Variants in RABGAP1L observed in about 807,000 individuals in gnomAD.
RABGAP1L encodes the protein rab GTPase-activating protein 1-like.
In RABGAP1L, 63 loss-of-function variants were observed where a neutral mutation model predicts 137.7. The ratio of observed to expected loss-of-function variants is 0.46; its 90% CI spans 0.37 to 0.56. The LOEUF is 0.56. Among genes scored for constraint, RABGAP1L ranks in the 20% least tolerant of loss-of-function variants. The probability of loss-of-function intolerance (pLI) is 0.00; values close to 1 mark genes in which losing one functional copy is unlikely to be tolerated. For synonymous variants in RABGAP1L, 431 were observed against 433.7 expected (o/e 0.99, Z 0.08); for missense variants, 1,095 against 1,244.0 (o/e 0.88, Z 1.80).
chr1:174,263,885 G>A (rs1288035374), intron 7 of RABGAP1L, among the ~76,000 whole-genome samples: 1 of 151,478 alleles, frequency 6.6e-6, no homozygotes, highest in Non-Finnish European at 1.5e-5. Context: ...GGGGCCGGGG[G>A]ATGTTTACAG....
At chr1:174,617,730 T>C (rs1300555277) in intron 13 of RABGAP1L, among the ~76,000 whole-genome samples, 3 of 152,164 alleles carry the variant, frequency 2.0e-5, no homozygotes, top group African/African-American at 7.2e-5. Context: ...ACATATACAT[T>C]ACCAGGGGGT....
At chr1:174,350,396 T>C (rs1683030691) in intron 11 of RABGAP1L, among the ~76,000 whole-genome samples, 2 of 77,866 alleles carry the variant, frequency 2.6e-5, no homozygotes, top group African/African-American at 5.5e-5. Flanking sequence ...GCAGAGACGC[T>C]CCTCACCTCC....
At chr1:174,223,957 A>G (rs1669971014) in intron 3 of RABGAP1L, among the ~76,000 whole-genome samples, 1 of 152,140 alleles carries the variant, frequency 6.6e-6, no homozygotes, top group African/African-American at 2.4e-5. Context: ...CCACTGGGGG[A>G]AATGGTAACT....
chr1:174,711,381 C>G (rs1558007196), intron 17 of RABGAP1L, among the ~76,000 whole-genome samples: 1 of 152,062 alleles, frequency 6.6e-6, no homozygotes, highest in East Asian at 2.0e-4. Flanking sequence ...TGCCGGCACG[C>G]TGTCACCTCT....
At position 174,436,724 on chromosome 1, in the gene RABGAP1L, C is replaced by CCA. The variant is rs1653369661; in HGVS notation, c.1710+42579_1710+42580insCA. Among the ~76,000 whole-genome samples the CCA allele has an allele frequency of 3.3e-5, 5 of 152,214 alleles. No individual in the cohort carries two copies. In the South Asian group the frequency reaches 1.0e-3, roughly 32 times the overall value. ...CTTTTGGTGTTTTAGACATGAAGTC[C>CCA]TTGTCCATGCCTATGCTTGAGATCT... On this transcript the variant is annotated intron_variant, in intron 13 of 25. Coordinates refer to ENST00000681986, the MANE Select transcript of RABGAP1L (RefSeq NM_001366446.1).
intron 13 of RABGAP1L, among the ~76,000 whole-genome samples, chr1:174,503,386 G>A (rs1016532521): frequency 1.3e-5 from 2 of 152,122 alleles, no homozygotes; most frequent in Admixed American, 6.5e-5. Context: ...GTAAGGCCCA[G>A]CATGATGGCT....
chr1:174,791,488 A>G (rs745538863), intron 18 of RABGAP1L, among the ~76,000 whole-genome samples: 41 of 152,220 alleles, frequency 2.7e-4, no homozygotes, highest in Non-Finnish European at 1.2e-4. Flanking sequence ...CAATGACAAT[A>G]CACACACATA....
intron 13 of RABGAP1L, among the ~76,000 whole-genome samples, chr1:174,481,219 T>C (rs986866074): frequency 1.3e-5 from 2 of 152,236 alleles, no homozygotes; most frequent in Non-Finnish European, 2.9e-5. Flanking sequence ...ACTATGCTTA[T>C]TTGAAGATCA....
intron 13 of RABGAP1L, among the ~76,000 whole-genome samples, chr1:174,401,114 G>T (rs970170257): frequency 6.6e-6 from 1 of 151,962 alleles, no homozygotes; most frequent in Non-Finnish European, 1.5e-5. Flanking sequence ...ATGTAAATCC[G>T]TGTTGAATCA....
At chr1:174,553,460 C>A (rs1666685111) in intron 13 of RABGAP1L, among the ~76,000 whole-genome samples, 1 of 152,086 alleles carries the variant, frequency 6.6e-6, no homozygotes, top group African/African-American at 2.4e-5. Context: ...AGCCAGTTAT[C>A]CCAGCCAAGA....
chr1:174,563,550 A>T, intron 13 of RABGAP1L, among the ~76,000 whole-genome samples: 1 of 152,178 alleles, frequency 6.6e-6, no homozygotes, highest in East Asian at 1.9e-4. Context: ...AGCGTATGCA[A>T]AGCATGTAGA....
At chr1:174,583,608 T>G (rs1668901133) in intron 13 of RABGAP1L, among the ~76,000 whole-genome samples, 1 of 152,138 alleles carries the variant, frequency 6.6e-6, no homozygotes, top group Non-Finnish European at 1.5e-5. Context: ...TTCCCATAGC[T>G]CATAGAGGAG....
chr1:174,372,898 T>C (rs1303964429), intron 12 of RABGAP1L, among the ~76,000 whole-genome samples: 1 of 152,128 alleles, frequency 6.6e-6, no homozygotes, highest in African/African-American at 2.4e-5. Flanking sequence ...ATGTTGAGAG[T>C]TGTAAACTAG....
chr1:174,668,052 T>C (rs1676916646), intron 14 of RABGAP1L, among the ~76,000 whole-genome samples: 1 of 152,170 alleles, frequency 6.6e-6, no homozygotes, highest in Non-Finnish European at 1.5e-5. Flanking sequence ...AAAACTGTTA[T>C]TATGAAAATT....
intron 17 of RABGAP1L, among the ~76,000 whole-genome samples, chr1:174,710,703 G>C (rs1212270217): frequency 6.6e-6 from 1 of 152,142 alleles, no homozygotes; most frequent in East Asian, 1.9e-4. Flanking sequence ...ACCAGTACCA[G>C]CCACTGCAAA....
At chr1:174,781,968 G>A (rs1283320550) in intron 18 of RABGAP1L, among the ~76,000 whole-genome samples, 1 of 152,182 alleles carries the variant, frequency 6.6e-6, no homozygotes, top group Admixed American at 6.5e-5. Context: ...GGTTACTGTA[G>A]CCTTGTAATA....
chr1:174,655,334 C>G (rs1675883828), intron 14 of RABGAP1L, among the ~76,000 whole-genome samples: 1 of 152,162 alleles, frequency 6.6e-6, no homozygotes, highest in Non-Finnish European at 1.5e-5. Flanking sequence ...ATTTCTTACT[C>G]TTTCATTCAC....
At chr1:174,187,046 C>T (rs567906841) in intron 1 of RABGAP1L, among the ~76,000 whole-genome samples, 73 of 152,204 alleles carry the variant, frequency 4.8e-4, no homozygotes, top group African/African-American at 1.5e-3. Flanking sequence ...TTTCAGTTTC[C>T]GAAACTTGCC....
At chr1:174,237,544 G>T (rs1184326335) in intron 4 of RABGAP1L, among the ~76,000 whole-genome samples, 114 of 49,356 alleles carry the variant, frequency 2.3e-3, no homozygotes, top group Non-Finnish European at 3.1e-3. Context: ...TAGTTTGGCT[G>T]GATATGAAAT....
Sources: allele counts gnomAD v4.1 joint callset (sites outside exome capture counted in the v4.1 genomes callset), GRCh38; gene constraint gnomAD v4.1.1; transcripts MANE v1.5; gene names NCBI Gene and HGNC (gene_info 2026-07-23, HGNC 2026-07-21).